RALGAPA1: variants seen among roughly 807,000 people sequenced by gnomAD.
RALGAPA1 encodes the protein Ral GTPase activating protein catalytic subunit alpha 1, also known as ral GTPase-activating protein subunit alpha-1.
A neutral mutation model predicts 269.6 loss-of-function variants in RALGAPA1; 52 were observed. The observed-to-expected ratio is 0.19, with a 90% CI of 0.15 to 0.24. RALGAPA1 has a LOEUF of 0.24. RALGAPA1 is among the 10% of genes least tolerant of loss of function. RALGAPA1 has a pLI of 1.00. For synonymous variants in RALGAPA1, 817 were observed against 1,008.3 expected (o/e 0.81, Z 3.60); for missense variants, 1,917 against 3,013.9 (o/e 0.64, Z 8.52).
rs776208095 is a variant in RALGAPA1, at chr14:35,777,916, G to A, written c.107-2171C>T. Among the ~76,000 whole-genome samples, 4 of 152,136 alleles carry A rather than the reference G, an allele frequency of 2.6e-5. No individual in the cohort carries two copies. In the East Asian group the frequency reaches 7.7e-4, roughly 29 times the overall value. On this transcript the variant is annotated intron_variant, in intron 1 of 41. Transcript: ENST00000680220. ...TTTGAAAGGAAACAAAGAAACCATT[G>A]TAAATAAACTCAAGTTAAAGGTAAA...
chr14:35,561,088 G>A (rs1011113050), intron 39 of RALGAPA1, among the ~76,000 whole-genome samples: 4 of 151,718 alleles, frequency 2.6e-5, no homozygotes, highest in African/African-American at 4.8e-5. Context: ...TTAGCTGGGC[G>A]TGGTGGCAGG....
At chr14:35,750,428 T>G in intron 9 of RALGAPA1, 54 bp downstream of exon 9, 4 of 1,410,498 alleles carry the variant, frequency 2.8e-6, no homozygotes, top group South Asian at 2.4e-5. Flanking sequence ...CTCAATGGAC[T>G]AAATCTCAAA....
chr14:35,739,386 C>T (rs946840652), intron 11 of RALGAPA1, among the ~76,000 whole-genome samples: 5 of 152,192 alleles, frequency 3.3e-5, no homozygotes, highest in Non-Finnish European at 7.3e-5. Context: ...GGAACCCTGC[C>T]CTGAGTAGCC....
chr14:35,637,371 G>A (rs2061729649), intron 31 of RALGAPA1, among the ~76,000 whole-genome samples: 1 of 152,126 alleles, frequency 6.6e-6, no homozygotes, highest in South Asian at 2.1e-4. Context: ...CAAAGAGATT[G>A]AAATAACTAA....
intron 31 of RALGAPA1, 64 bp downstream of exon 31, chr14:35,651,741 G>C: frequency 7.0e-7 from 1 of 1,437,680 alleles, no homozygotes; most frequent in Non-Finnish European, 9.3e-7. Flanking sequence ...TACCTTTAAA[G>C]TTTTGAAATG....
At chr14:35,743,908 A>T (rs551661480) in intron 10 of RALGAPA1, among the ~76,000 whole-genome samples, 42 of 152,300 alleles carry the variant, frequency 2.8e-4, no homozygotes, top group Admixed American at 2.2e-3. Context: ...CTTAAAAAAA[A>T]TATTTTCCTT....
chr14:35,686,386 T>C (rs1421128822), intron 19 of RALGAPA1, among the ~76,000 whole-genome samples, 156 bp downstream of exon 19: 1 of 152,114 alleles, frequency 6.6e-6, no homozygotes, highest in Non-Finnish European at 1.5e-5. Flanking sequence ...AAAAATGTAA[T>C]TCAAAAATCT....
chr14:35,608,455 C>T (rs1264717904), intron 35 of RALGAPA1, among the ~76,000 whole-genome samples: 1 of 152,122 alleles, frequency 6.6e-6, no homozygotes, highest in Non-Finnish European at 1.5e-5. Flanking sequence ...ACCAAGCAAA[C>T]ACCAACCAAC....
chr14:35,596,152 T>G (rs758457012), intron 36 of RALGAPA1, among the ~76,000 whole-genome samples: 2 of 152,020 alleles, frequency 1.3e-5, no homozygotes, highest in African/African-American at 4.8e-5. Flanking sequence ...TAATATCAGT[T>G]TGACAAAATG....
rs771840419 is a variant in RALGAPA1 at position 35,723,280 on chromosome 14, T to A, written c.1867-16A>T. On this transcript the variant is annotated splice_polypyrimidine_tract_variant and intron_variant, in intron 14 of 41. Coordinates refer to ENST00000680220, the MANE Select transcript of RALGAPA1 (RefSeq NM_001346249.2). ...CTATAAGGGTCTATAAAGACAAATA[T>A]CAGAAATAACAATAAAATGTGTTTA... is the stretch of plus-strand genomic sequence containing the variant. 13 of 1,408,046 alleles carry A rather than the reference T, an allele frequency of 9.2e-6. No individual in the cohort carries two copies. The highest frequency in any genetic ancestry group is 4.0e-6 in the Non-Finnish European group (4 of 1,008,824). 87.2% of individuals were successfully genotyped at this position (1,408,046 alleles called of 1,614,324 possible). A position where few individuals can be genotyped will look rare whatever the true frequency, so the allele number is the denominator to read the frequency against.
At chr14:35,692,690 T>C (rs1168864867) in intron 17 of RALGAPA1, among the ~76,000 whole-genome samples, 2 of 151,912 alleles carry the variant, frequency 1.3e-5, no homozygotes, top group Admixed American at 6.6e-5. Context: ...TGGCACATAA[T>C]AATACTAACT....
intron 16 of RALGAPA1, among the ~76,000 whole-genome samples, chr14:35,711,378 C>T (rs1013771326): frequency 2.0e-5 from 3 of 152,144 alleles, no homozygotes; most frequent in African/African-American, 4.8e-5. Flanking sequence ...ATATGAATTA[C>T]ACTACATTTT....
intron 1 of RALGAPA1, among the ~76,000 whole-genome samples, chr14:35,806,888 T>G (rs1274664648): frequency 6.6e-6 from 1 of 152,222 alleles, no homozygotes; most frequent in East Asian, 1.9e-4. Flanking sequence ...GAAATTACAT[T>G]AACTGTATTT....
intron 16 of RALGAPA1, chr14:35,707,674 T>C (rs1238698932): frequency 6.6e-6 from 1 of 152,170 alleles, no homozygotes; most frequent in Non-Finnish European, 1.5e-5. Context: ...TGAGAAAAGT[T>C]ATGGAGAATT....
intron 21 of RALGAPA1, among the ~76,000 whole-genome samples, chr14:35,679,918 G>A (rs2065267503): frequency 6.6e-6 from 1 of 152,124 alleles, no homozygotes; most frequent in Non-Finnish European, 1.5e-5. Context: ...TACATAGTAG[G>A]TGAAAAGTTT....
intron 1 of RALGAPA1, among the ~76,000 whole-genome samples, chr14:35,806,860 C>A (rs1287691153): frequency 6.6e-6 from 1 of 152,202 alleles, no homozygotes; most frequent in African/African-American, 2.4e-5. Flanking sequence ...ATTCTACTTT[C>A]TCTCATTCAT....
At chr14:35,759,041 G>A (rs146806837) in intron 6 of RALGAPA1, among the ~76,000 whole-genome samples, 4 of 152,308 alleles carry the variant, frequency 2.6e-5, no homozygotes, top group African/African-American at 9.6e-5. Flanking sequence ...GTCACAGTGA[G>A]CTGATCATGG....
At chr14:35,726,806 T>C (rs933125255) in intron 13 of RALGAPA1, among the ~76,000 whole-genome samples, 3 of 152,142 alleles carry the variant, frequency 2.0e-5, no homozygotes, top group Non-Finnish European at 4.4e-5. Context: ...AAGATAATTG[T>C]CCAATGTAGT....
At chr14:35,752,269 G>A in intron 7 of RALGAPA1, 107 bp from the exon 8 acceptor site, 1 of 1,211,658 alleles carries the variant, frequency 8.3e-7, no homozygotes, top group Non-Finnish European at 1.1e-6. Flanking sequence ...ACACTGAACT[G>A]TTAACACTAA....
Sources: gnomAD v4.1 joint callset for allele counts (sites outside exome capture counted in the v4.1 genomes callset) on GRCh38, gnomAD v4.1.1 for gene constraint, MANE v1.5 for transcripts, NCBI Gene and HGNC (gene_info 2026-07-23, HGNC 2026-07-21) for gene names.